TMPRSS15: variants seen among roughly 807,000 people sequenced by gnomAD.
TMPRSS15 encodes transmembrane serine protease 15.
A neutral mutation model predicts 125.3 loss-of-function variants in TMPRSS15; 128 were observed. That is an observed-to-expected ratio of 1.02 (90% confidence interval 0.89 to 1.18). The LOEUF (loss-of-function observed/expected upper bound fraction) is 1.18, where lower values mean the gene tolerates loss of function less well. Among genes scored for constraint, TMPRSS15 ranks in the 50% most tolerant of loss-of-function variants. The pLI is 0.00. For synonymous variants in TMPRSS15, 446 were observed against 423.2 expected, an observed-to-expected ratio of 1.05 and a Z score of -0.66; for missense variants, 1,283 against 1,212.7, an observed-to-expected ratio of 1.06 and a Z score of -0.86.
rs577908127 is a variant in TMPRSS15, at chr21:18,353,794, A to G, written c.950T>C (p.Ile317Thr). The change falls in exon 9 of 25, where the codon ATA becomes ACA. Residue 317 changes from isoleucine to threonine, a missense_variant. By Grantham distance (89) the Ile-to-Thr change is moderately conservative (BLOSUM62 -1). Transcript: ENST00000284885. Reference protein sequence around the residue: ...FSNQVTATFLIESDESDYVGF... With the variant: ...FSNQVTATFLTESDESDYVGF... ...AACATAATCACTTTCATCAGATTCT[A>G]TAAGAAAGGTGGCAGTAACTTGGTT... 5.0e-6 allele frequency: 8 copies of G among 1,611,890 alleles called. No homozygotes were observed. The highest frequency in any genetic ancestry group is 2.7e-5 in the African/African-American group (2 of 74,936).
intron 6 of TMPRSS15, among the ~76,000 whole-genome samples, chr21:18,371,498 C>T (rs2075791618): frequency 6.6e-6 from 1 of 152,080 alleles, no homozygotes; most frequent in African/African-American, 2.4e-5. Context: ...ACGTTTAAAT[C>T]AACTAGAGCC....
At position 18,365,243 on chromosome 21, in the gene TMPRSS15, C is replaced by T. The variant is rs1451679236; in HGVS notation, c.670G>A (p.Val224Ile). Residue 224 changes from valine (V) to isoleucine (I), a missense_variant, in exon 7 of 25, where the codon GTT becomes ATT. By Grantham distance (29) the Val-to-Ile change is conservative. Coordinates refer to ENST00000284885, the MANE Select transcript of TMPRSS15 (RefSeq NM_002772.3). ...GTTAACAAAAATCTTCCATCACAAA[C>T]TGTGGCTGCAAAACGATGCCAATTA... is the stretch of plus-strand genomic sequence containing the variant. ...SDEDNKMCAT[V>I]CDGRFLLTGS... 1.9e-6 allele frequency: 3 copies of T among 1,613,794 alleles called. No homozygotes were observed. In the Admixed American group the frequency reaches 5.0e-5, roughly 27 times the overall value.
chr21:18,338,801 T>C (rs1169359431), intron 13 of TMPRSS15, among the ~76,000 whole-genome samples: 3 of 152,132 alleles, frequency 2.0e-5, no homozygotes, highest in Non-Finnish European at 4.4e-5. Context: ...TATTGTGATG[T>C]TAGGAATCAG....
chr21:18,471,209 A>G (rs1419822661), intron 1 of TMPRSS15, among the ~76,000 whole-genome samples: 1 of 152,124 alleles, frequency 6.6e-6, no homozygotes, highest in East Asian at 1.9e-4. Flanking sequence ...GATAATAACA[A>G]CAACAACAAA....
intron 1 of TMPRSS15, among the ~76,000 whole-genome samples, chr21:18,470,765 A>T (rs1394545455): frequency 6.6e-6 from 1 of 152,090 alleles, no homozygotes; most frequent in Non-Finnish European, 1.5e-5. Context: ...TAGAGAAGGC[A>T]TATGATCTTA....
chr21:18,406,272 C>A (rs1405038840), upstream of TMPRSS15, among the ~76,000 whole-genome samples: 2 of 152,026 alleles, frequency 1.3e-5, no homozygotes, highest in African/African-American at 4.8e-5. Flanking sequence ...GTGGAATATT[C>A]ATTTGCCAAA....
chr21:18,336,212 T>G (rs1031898967), intron 13 of TMPRSS15, among the ~76,000 whole-genome samples: 1 of 152,132 alleles, frequency 6.6e-6, no homozygotes, highest in Non-Finnish European at 1.5e-5. Flanking sequence ...TAAGAGGGTT[T>G]TAATTAAAGA....
Position 18,343,640 on chromosome 21 carries a change from C to A in TMPRSS15, c.1294G>T (p.Glu432Ter), listed in dbSNP as rs898893322. The A allele has an allele frequency of 6.2e-7, 1 of 1,613,610 alleles. No individual in the cohort carries two copies. Residue 432 changes from glutamate to a stop codon, truncating the protein, a stop_gained, in exon 12 of 25, where the codon GAA becomes TAA. Transcript: ENST00000284885. LOFTEE classifies it high-confidence loss of function. ...CLSFWYHMYG[E>*]NVHKLSINIS... ...TTAATGCTTAATTTATGGACATTTT[C>A]ACCATACATATGATACCTAGTTTGG...
intron 12 of TMPRSS15, among the ~76,000 whole-genome samples, chr21:18,342,489 T>C (rs1008186845): frequency 8.5e-5 from 13 of 152,230 alleles, no homozygotes; most frequent in African/African-American, 3.1e-4. Flanking sequence ...TCTGTAGAAC[T>C]TGACTCTCTC....
At position 18,390,095 on chromosome 21, in the gene TMPRSS15, A is replaced by G. The variant is rs1257071975; in HGVS notation, c.345-6317T>C. On this transcript the variant is annotated intron_variant, in intron 3 of 24. Transcript: ENST00000284885. The stretch of plus-strand genomic sequence containing the variant: ...ACGTTATTTTTTATCTTTATCCGAA[A>G]TGGCTTTCCTTGTCTTCTCCACTCA... 2.0e-5 allele frequency among the ~76,000 whole-genome samples: 3 copies of G among 152,160 alleles called. No homozygotes were observed. The South Asian group carries it at 6.2e-4, about 32-fold the overall frequency.
At chr21:18,438,555 C>CT (rs1569069000) in intron 1 of TMPRSS15, among the ~76,000 whole-genome samples, 1 of 152,036 alleles carries the variant, frequency 6.6e-6, no homozygotes, top group Non-Finnish European at 1.5e-5. Flanking sequence ...TAAAAGACAT[C>CT]TTTTTTAAAA....
chr21:18,300,212 TTCTTTC>T (rs2074952951), intron 18 of TMPRSS15, among the ~76,000 whole-genome samples: 1 of 151,256 alleles, frequency 6.6e-6, no homozygotes, highest in East Asian at 1.9e-4. Context: ...TTCTTTCTTT[TTCTTTC>T]TCTCTTTTTC....
At chr21:18,447,974 G>A (rs1330322758) in intron 1 of TMPRSS15, among the ~76,000 whole-genome samples, 1 of 152,130 alleles carries the variant, frequency 6.6e-6, no homozygotes, top group Non-Finnish European at 1.5e-5. Flanking sequence ...GGAAATGCTG[G>A]TGAGGATGTG....
At chr21:18,397,378 A>T (rs1185228300) in intron 3 of TMPRSS15, among the ~76,000 whole-genome samples, 3 of 152,170 alleles carry the variant, frequency 2.0e-5, no homozygotes, top group African/African-American at 7.2e-5. Flanking sequence ...TAATTTCCAT[A>T]TGTTACAGAT....
intron 14 of TMPRSS15, among the ~76,000 whole-genome samples, chr21:18,329,614 T>G (rs961936066): frequency 6.6e-6 from 1 of 151,546 alleles, no homozygotes; most frequent in Non-Finnish European, 1.5e-5. Context: ...TTTATGAATA[T>G]CAAAGGATAC....
intron 24 of TMPRSS15, among the ~76,000 whole-genome samples, chr21:18,271,626 G>T (rs1355569552): frequency 6.6e-6 from 1 of 151,406 alleles, no homozygotes; most frequent in East Asian, 1.9e-4. Context: ...TTACTTTAAG[G>T]TCTGGGATAC....
At chr21:18,440,233 C>T (rs2076237917) in intron 1 of TMPRSS15, among the ~76,000 whole-genome samples, 2 of 151,076 alleles carry the variant, frequency 1.3e-5, no homozygotes, top group African/African-American at 4.9e-5. Flanking sequence ...ATTAGCCGGG[C>T]ATGGTGGCGC....
At chr21:18,482,319 A>C (rs1978995952) in intron 1 of TMPRSS15, among the ~76,000 whole-genome samples, 1 of 151,534 alleles carries the variant, frequency 6.6e-6, no homozygotes, top group African/African-American at 2.4e-5. Context: ...AGTATCTTAA[A>C]ATATATTCAA....
intron 22 of TMPRSS15, 87 bp from the exon 23 acceptor site, chr21:18,279,146 A>T: frequency 1.3e-6 from 1 of 745,362 alleles, no homozygotes; most frequent in African/African-American, 1.8e-5. Flanking sequence ...TTTAAAAATC[A>T]ATAACAGTTA....
Sources: allele counts gnomAD v4.1 joint callset (sites outside exome capture counted in the v4.1 genomes callset), GRCh38; gene constraint gnomAD v4.1.1; transcripts MANE v1.5; gene names NCBI Gene and HGNC (gene_info 2026-07-23, HGNC 2026-07-21).